The following KIRREL3 variants were observed in gnomAD, a reference collection of about 807,000 sequenced individuals.
KIRREL3 encodes kin of IRRE-like protein 3.
KIRREL3 carries 36 observed loss-of-function variants against 89.7 expected under a neutral mutation model. That is an observed-to-expected ratio of 0.40 (90% CI 0.31 to 0.53). KIRREL3 has a LOEUF of 0.53. Ranked by LOEUF, KIRREL3 falls within the 20% of genes least tolerant of loss-of-function variation. The pLI, the probability that KIRREL3 is intolerant of heterozygous loss-of-function variation, is 0.49. For synonymous variants in KIRREL3, 445 were observed against 441.4 expected (o/e 1.01, Z -0.10); for missense variants, 864 against 1,056.6 (o/e 0.82, Z 2.53).
At chr11:126,789,637 T>A (rs1255705734) in intron 1 of KIRREL3, among the ~76,000 whole-genome samples, 17 of 152,184 alleles carry the variant, frequency 1.1e-4, no homozygotes, top group Non-Finnish European at 2.5e-4. Context: ...AATCTTGAGG[T>A]CCCTCTGTCT....
intron 1 of KIRREL3, among the ~76,000 whole-genome samples, chr11:126,816,973 T>A (rs964357399): frequency 2.0e-5 from 3 of 152,164 alleles, no homozygotes; most frequent in Admixed American, 6.5e-5. Flanking sequence ...AATGTAGATA[T>A]CATGGGTGTT....
At chr11:126,893,010 G>T (rs1428873233) in intron 1 of KIRREL3, among the ~76,000 whole-genome samples, 1 of 152,184 alleles carries the variant, frequency 6.6e-6, no homozygotes, top group Non-Finnish European at 1.5e-5. Flanking sequence ...GCTGTGGTTG[G>T]ATTTTGACGC....
chr11:126,448,873 C>T (rs1169296848), intron 8 of KIRREL3, 136 bp downstream of exon 8: 2 of 859,978 alleles, frequency 2.3e-6, no homozygotes, highest in Non-Finnish European at 3.3e-6. Context: ...CAGCTTTCGT[C>T]GAGTGCAAAC....
chr11:126,866,531 G>A (rs1944925391), intron 1 of KIRREL3, among the ~76,000 whole-genome samples: 1 of 151,914 alleles, frequency 6.6e-6, no homozygotes, highest in African/African-American at 2.4e-5. Context: ...TGGGGTCCCT[G>A]GGGGGGGCTC....
intron 1 of KIRREL3, among the ~76,000 whole-genome samples, chr11:126,933,892 T>C (rs1948062493): frequency 6.6e-6 from 1 of 152,074 alleles, no homozygotes; most frequent in Non-Finnish European, 1.5e-5. Context: ...CCAAATCATC[T>C]TTAGGTTAAA....
intron 1 of KIRREL3, among the ~76,000 whole-genome samples, chr11:126,848,088 C>T (rs910462895): frequency 2.6e-5 from 4 of 152,154 alleles, no homozygotes; most frequent in Non-Finnish European, 5.9e-5. Context: ...ATGTCACTTT[C>T]TGACATGTCT....
rs933501408 is a variant in KIRREL3, at chr11:126,622,618, G to A, written c.56-59706C>T. On this transcript the variant is annotated intron_variant, in intron 1 of 16. Transcript: ENST00000525144. This position sits in a 1 kb window ranked among gnomAD's most constrained non-coding sequence, Gnocchi z 5.2. ...GCAGAAGAATCACTTGAACCCTGGAGGCGGAGGTTGCAGTGAGCTGAGATC... is the reference window on the plus strand; with the variant it reads ...GCAGAAGAATCACTTGAACCCTGGAAGCGGAGGTTGCAGTGAGCTGAGATC... 2.0e-5 allele frequency among the ~76,000 whole-genome samples: 3 copies of A among 152,210 alleles called. No individual in the cohort carries two copies. Among genetic ancestry groups the A allele is most frequent in the Non-Finnish European group, 4.4e-5 (3 of 68,034 alleles).
intron 1 of KIRREL3, among the ~76,000 whole-genome samples, chr11:126,650,372 T>C (rs531709293): frequency 6.6e-6 from 1 of 152,322 alleles, no homozygotes; most frequent in South Asian, 2.1e-4. Flanking sequence ...CTGCATATTT[T>C]CTGAACTTTT....
At position 126,683,124 on chromosome 11, in the gene KIRREL3, G is replaced by A. The variant is rs929246325; in HGVS notation, c.56-120212C>T. Among the ~76,000 whole-genome samples the A allele has an allele frequency of 6.6e-6, 1 of 152,094 alleles. No homozygotes were observed. Among genetic ancestry groups the A allele is most frequent in the Non-Finnish European group, 1.5e-5 (1 of 68,016 alleles). Reference sequence around the variant, plus strand: ...TACCGCCTCAGCCTTCCAAAGTGTTGCAATTACAAGCGTGAGCCACAGCAC... The same window carrying A: ...TACCGCCTCAGCCTTCCAAAGTGTTACAATTACAAGCGTGAGCCACAGCAC... On this transcript the variant is annotated intron_variant, in intron 1 of 16. Coordinates refer to ENST00000525144, the MANE Select transcript of KIRREL3 (RefSeq NM_032531.4). The surrounding 1 kb of genome is among the most constrained non-coding windows in gnomAD (Gnocchi z 5.2).
intron 1 of KIRREL3, among the ~76,000 whole-genome samples, chr11:126,718,673 A>G (rs1399623511): frequency 6.6e-6 from 1 of 152,236 alleles, no homozygotes; most frequent in African/African-American, 2.4e-5. Context: ...ATTTACTCTC[A>G]ATAATAATCA....
At chr11:126,539,304 C>A (rs1315768554) in intron 2 of KIRREL3, among the ~76,000 whole-genome samples, 2 of 152,194 alleles carry the variant, frequency 1.3e-5, no homozygotes, top group South Asian at 4.1e-4. Flanking sequence ...TCTCTTAGTA[C>A]AGCGCAAATC....
Position 126,768,449 on chromosome 11 carries a change from G to A in KIRREL3, c.56-205537C>T, listed in dbSNP as rs1949916421. Among the ~76,000 whole-genome samples the A allele has an allele frequency of 1.3e-5, 2 of 152,226 alleles. No individual in the cohort carries two copies. Among genetic ancestry groups the A allele is most frequent in the Non-Finnish European group, 2.9e-5 (2 of 68,038 alleles). ...GCAGGCCAAGGATCTTATGAACTTG[G>A]TTTATGAGATCCTTGGTTTAGTGTG... On this transcript the variant is annotated intron_variant, in intron 1 of 16. Transcript: ENST00000525144. This position sits in a 1 kb window ranked among gnomAD's most constrained non-coding sequence, Gnocchi z 4.5.
At chr11:126,790,989 C>G (rs1028974128) in intron 1 of KIRREL3, among the ~76,000 whole-genome samples, 1 of 152,118 alleles carries the variant, frequency 6.6e-6, no homozygotes, top group South Asian at 2.1e-4. Flanking sequence ...ATATACTGAG[C>G]AAACTGGGTG....
rs1398148131 is a variant in KIRREL3 at position 126,428,482 on chromosome 11, G to A, written c.1806+697C>T. On this transcript the variant is annotated intron_variant, in intron 15 of 16. Coordinates refer to ENST00000525144, the MANE Select transcript of KIRREL3 (RefSeq NM_032531.4). The surrounding 1 kb of genome is among the most constrained non-coding windows in gnomAD (Gnocchi z 6.4). Reference sequence around the variant, plus strand: ...TTGCAGACTGTTTTGGTGGGGTGCGGGGGATGAGGGAGAGGGACATGTATT... The same window carrying A: ...TTGCAGACTGTTTTGGTGGGGTGCGAGGGATGAGGGAGAGGGACATGTATT... 6.6e-6 allele frequency among the ~76,000 whole-genome samples: 1 copy of A among 152,112 alleles called. No homozygotes were observed. The highest frequency in any genetic ancestry group is 2.4e-5 in the African/African-American group (1 of 41,398).
At chr11:126,851,872 CG>C (rs552967751) in intron 1 of KIRREL3, among the ~76,000 whole-genome samples, 1,637 of 152,046 alleles carry the variant, frequency 0.011, 17 homozygotes, top group Non-Finnish European at 0.016. Context: ...ATAAACAAGC[CG>C]GGCAACTCAC....
Position 126,987,191 on chromosome 11 carries a change from G to A in KIRREL3, c.55+13264C>T, listed in dbSNP as rs1244778135. Among the ~76,000 whole-genome samples, 1 of 151,840 alleles carries A rather than the reference G, an allele frequency of 6.6e-6. No homozygotes were observed. The highest frequency in any genetic ancestry group is 1.5e-5 in the Non-Finnish European group (1 of 67,948). On this transcript the variant is annotated intron_variant, in intron 1 of 16. Transcript: ENST00000525144. This position sits in a 1 kb window ranked among gnomAD's most constrained non-coding sequence, Gnocchi z 4.6. ...ATTACCTGTCAGGAACACGCAAAGG[G>A]AGTCTACACCTAGAATTAAGGGGAT...
chr11:126,944,517 A>C (rs1948560409), intron 1 of KIRREL3: 1 of 152,288 alleles, frequency 6.6e-6, no homozygotes, highest in Non-Finnish European at 1.5e-5. Flanking sequence ...CTTGGTTGCC[A>C]CTGAGAACTT....
At chr11:126,478,794 CAT>C (rs1491188532) in intron 4 of KIRREL3, among the ~76,000 whole-genome samples, 1 of 151,856 alleles carries the variant, frequency 6.6e-6, no homozygotes, top group Non-Finnish European at 1.5e-5. Flanking sequence ...TGTGTGCATG[CAT>C]GTGTGTGTGC....
rs1044322581 is a variant in KIRREL3 at position 126,551,090 on chromosome 11, T to G, written c.133+11745A>C. 6.6e-6 allele frequency among the ~76,000 whole-genome samples: 1 copy of G among 152,122 alleles called. No homozygotes were observed. The highest frequency in any genetic ancestry group is 1.9e-4 in the East Asian group (1 of 5,186). On this transcript the variant is annotated intron_variant, in intron 2 of 16. Coordinates refer to ENST00000525144, the MANE Select transcript of KIRREL3 (RefSeq NM_032531.4). The surrounding 1 kb of genome is among the most constrained non-coding windows in gnomAD (Gnocchi z 4.9). ...ACTTACCTATGTTTACAGTTTATTC[T>G]AAAGGATATTACAAAGAATACAGAT...
Sources: gnomAD v4.1 joint callset for allele counts (sites outside exome capture counted in the v4.1 genomes callset) on GRCh38, gnomAD v4.1.1 for gene constraint, Gnocchi (gnomAD v3.1) non-coding constraint, MANE v1.5 for transcripts, NCBI Gene and HGNC (gene_info 2026-07-23, HGNC 2026-07-21) for gene names.